SNX29: variants seen among roughly 807,000 people sequenced by gnomAD.
SNX29 encodes the protein sorting nexin 29.
A neutral mutation model predicts 102.1 loss-of-function variants in SNX29; 78 were observed. That is an observed-to-expected ratio of 0.76 (90% confidence interval 0.64 to 0.92). SNX29 has a LOEUF of 0.92. Among genes scored for constraint, SNX29 ranks in the 40% least tolerant of loss-of-function variants. The pLI is 0.00. For synonymous variants in SNX29, 580 were observed against 414.5 expected (o/e 1.40, Z -4.85); for missense variants, 1,280 against 1,061.7 (o/e 1.21, Z -2.86).
Position 12,027,404 on chromosome 16 carries a change from G to A in SNX29, c.207G>A (p.Ala69=), listed in dbSNP as rs773226237. ...GAGGATTGGCACTCACAGCGGCAGCGATCAAGCAGGCAGCGGGCTTTGCCA... is the reference window on the plus strand; with the variant it reads ...GAGGATTGGCACTCACAGCGGCAGCAATCAAGCAGGCAGCGGGCTTTGCCA... ...RSRGLALTAA[A]IKQAAGFASK... Residue 69 remains alanine (A), a synonymous_variant, in exon 4 of 21, where the codon GCG becomes GCA. Transcript: ENST00000566228. The A allele has an allele frequency of 3.7e-5, 59 of 1,613,964 alleles. No individual in the cohort carries two copies. Among genetic ancestry groups the A allele is most frequent in the Non-Finnish European group, 4.5e-5 (53 of 1,180,002 alleles).
At position 11,999,691 on chromosome 16, in the gene SNX29, C is replaced by A. The variant is rs147711607; in HGVS notation, c.69+333C>A. ...TCAAGGTGACCGGATCACTTGAGGT[C>A]AGGAGTTCCAGACTAACCTGGCCAA... On this transcript the variant is annotated intron_variant, in intron 2 of 20. Coordinates refer to ENST00000566228, the MANE Select transcript of SNX29 (RefSeq NM_032167.5). Among the ~76,000 whole-genome samples the A allele has an allele frequency of 4.9e-3, 747 of 152,238 alleles. 7 individuals carry two copies. Among genetic ancestry groups the A allele is most frequent in the African/African-American group, 0.017 (697 of 41,536 alleles).
rs532196247 is a variant in SNX29, at chr16:12,513,014, C to T, written c.2179-11688C>T. Among the ~76,000 whole-genome samples the T allele has an allele frequency of 7.1e-4, 108 of 152,210 alleles. 1 individual carries two copies. Among genetic ancestry groups the T allele is most frequent in the African/African-American group, 2.5e-3 (104 of 41,524 alleles). On this transcript the variant is annotated intron_variant, in intron 19 of 20. Coordinates refer to ENST00000566228, the MANE Select transcript of SNX29 (RefSeq NM_032167.5). ...TCCCCCCAGAGGGCAGTGGCCCTGG[C>T]CTCCAAGGCAGTGTGTCCGCAGAGG...
chr16:12,449,044 C>T (rs1400851081), intron 18 of SNX29, among the ~76,000 whole-genome samples: 1 of 152,046 alleles, frequency 6.6e-6, no homozygotes, highest in Non-Finnish European at 1.5e-5. Flanking sequence ...ACTACGCAAC[C>T]TAATTTCTGC....
At chr16:12,281,002 G>T (rs545346555) in intron 15 of SNX29, among the ~76,000 whole-genome samples, 1 of 152,134 alleles carries the variant, frequency 6.6e-6, no homozygotes, top group African/African-American at 2.4e-5. Flanking sequence ...CAACCTCCCC[G>T]GCTCAACGGA....
chr16:12,077,272 C>T (rs1483472667), intron 10 of SNX29, among the ~76,000 whole-genome samples: 1 of 143,912 alleles, frequency 6.9e-6, no homozygotes, highest in African/African-American at 2.7e-5. Flanking sequence ...GAGTGAGAAC[C>T]TGTCTTAAAA....
At chr16:12,487,706 G>A (rs1250701397) in intron 19 of SNX29, among the ~76,000 whole-genome samples, 3 of 152,240 alleles carry the variant, frequency 2.0e-5, no homozygotes, top group South Asian at 2.1e-4. Context: ...CCACCTGTTC[G>A]CAGCAGAGAT....
chr16:12,572,715 G>C lies in SNX29; in HGVS notation c.*4086G>C. ...ACTCCAGCAGCATCTTCCAGCCTTG[G>C]CACAGAACTGATGGCAAAGGAAGGG... On this transcript the variant is annotated 3_prime_UTR_variant, in exon 21 of 21. Coordinates refer to ENST00000566228, the MANE Select transcript of SNX29 (RefSeq NM_032167.5). 9.4e-7 allele frequency: 1 copy of C among 1,063,740 alleles called. No individual in the cohort carries two copies. Among genetic ancestry groups the C allele is most frequent in the Non-Finnish European group, 1.1e-6 (1 of 878,294 alleles). 65.9% of individuals were successfully genotyped at this position (1,063,740 alleles called of 1,614,324 possible).
chr16:12,029,107 C>CTT (rs908613109), intron 4 of SNX29, among the ~76,000 whole-genome samples: 5 of 144,142 alleles, frequency 3.5e-5, no homozygotes, highest in Non-Finnish European at 4.6e-5. Flanking sequence ...CAGATGTTTG[C>CTT]TTTTTTTTTT....
intron 20 of SNX29, among the ~76,000 whole-genome samples, chr16:12,554,024 C>G (rs1452702587): frequency 6.6e-6 from 1 of 152,034 alleles, no homozygotes; most frequent in Non-Finnish European, 1.5e-5. Flanking sequence ...AGCGTTTTAA[C>G]CATGTTGCCC....
At chr16:12,251,699 T>A (rs148352191) in intron 14 of SNX29, among the ~76,000 whole-genome samples, 1 of 152,146 alleles carries the variant, frequency 6.6e-6, no homozygotes, top group African/African-American at 2.4e-5. Flanking sequence ...TAAGACTCTG[T>A]CTCCAAAACA....
rs925875723 is a variant in SNX29 at position 12,382,193 on chromosome 16, C to T, written c.1900-16253C>T. Among the ~76,000 whole-genome samples the T allele has an allele frequency of 6.6e-5, 10 of 152,122 alleles. No homozygotes were observed. In the East Asian group the frequency reaches 1.7e-3, roughly 26 times the overall value. On this transcript the variant is annotated intron_variant, in intron 16 of 20. Transcript: ENST00000566228. ...CGCCATGAGGACCTGCGATAGACGA[C>T]ACCAAACTCAATTTTCATTACTCCA...
In SNX29 at chr16:12,277,972, C is replaced by T. The variant is rs1461074312; in HGVS notation, c.1718C>T (p.Ala573Val). The change falls in exon 15 of 21, where the codon GCT (alanine) becomes GTT (valine). Residue 573 changes from alanine (A) to valine (V), a missense_variant. Physicochemically the swap from Ala to Val is moderately conservative, Grantham distance 64. Coordinates refer to ENST00000566228, the MANE Select transcript of SNX29 (RefSeq NM_032167.5). Reference sequence around the variant, plus strand: ...AGTGTTGATGGAGAAGTTACAGTAGCTGAACAGAAGCCGGGAGAAATTGCT... The same window carrying T: ...AGTGTTGATGGAGAAGTTACAGTAGTTGAACAGAAGCCGGGAGAAATTGCT... ...LWSVDGEVTV[A>V]EQKPGEIAEE... is the part of the protein sequence containing the mutation. 6.2e-7 allele frequency: 1 copy of T among 1,609,728 alleles called. No individual in the cohort carries two copies. Among genetic ancestry groups the T allele is most frequent in the Admixed American group, 1.7e-5 (1 of 59,550 alleles).
intron 20 of SNX29, among the ~76,000 whole-genome samples, chr16:12,555,445 G>C (rs147616897): frequency 6.6e-6 from 1 of 151,998 alleles, no homozygotes; most frequent in East Asian, 1.9e-4. Flanking sequence ...ACTCATGTAC[G>C]CAGGGTGTTT....
intron 14 of SNX29, among the ~76,000 whole-genome samples, chr16:12,253,992 C>T (rs910612011): frequency 2.6e-5 from 4 of 152,056 alleles, no homozygotes; most frequent in South Asian, 2.1e-4. Context: ...TCCAGGAACA[C>T]GGGCTGTGAG....
intron 16 of SNX29, among the ~76,000 whole-genome samples, chr16:12,383,280 C>A (rs563327306): frequency 6.6e-6 from 1 of 152,020 alleles, no homozygotes; most frequent in African/African-American, 2.4e-5. Context: ...TGTCCTGTTG[C>A]CAAGCACTGG....
intron 19 of SNX29, among the ~76,000 whole-genome samples, chr16:12,504,658 C>T (rs912779978): frequency 8.5e-5 from 13 of 152,224 alleles, no homozygotes; most frequent in Non-Finnish European, 1.9e-4. Flanking sequence ...AGAGACCACA[C>T]TCACATTACT....
intron 14 of SNX29, among the ~76,000 whole-genome samples, chr16:12,209,922 G>C (rs1170735820): frequency 6.6e-6 from 1 of 152,220 alleles, no homozygotes; most frequent in Non-Finnish European, 1.5e-5. Context: ...AAGGGTAGCA[G>C]GTGCTGGCGG....
intron 18 of SNX29, among the ~76,000 whole-genome samples, chr16:12,441,797 G>A (rs1337684748): frequency 6.6e-6 from 1 of 152,016 alleles, no homozygotes; most frequent in Non-Finnish European, 1.5e-5. Context: ...CTTTTGTTTT[G>A]TTTTGTTTTG....
chr16:12,148,033 G>A (rs2055139724), intron 13 of SNX29, among the ~76,000 whole-genome samples: 1 of 152,206 alleles, frequency 6.6e-6, no homozygotes, highest in Non-Finnish European at 1.5e-5. Flanking sequence ...TCGTACTGGT[G>A]CCAAACATAG....
Sources: allele counts gnomAD v4.1 joint callset (sites outside exome capture counted in the v4.1 genomes callset), GRCh38; gene constraint gnomAD v4.1.1; transcripts MANE v1.5; gene names NCBI Gene and HGNC (gene_info 2026-07-23, HGNC 2026-07-21).